ANKRD54: variants seen among roughly 807,000 people sequenced by gnomAD.
ANKRD54 encodes ankyrin repeat domain-containing protein 54.
In ANKRD54, 26 loss-of-function variants were observed where a neutral mutation model predicts 36.2. That is an observed-to-expected ratio of 0.72 (90% confidence interval 0.53 to 1.00). ANKRD54 has a LOEUF of 1.00. ANKRD54 is among the 50% of genes least tolerant of loss of function. The pLI is 0.00. For synonymous variants in ANKRD54, 209 were observed against 188.4 expected, an observed-to-expected ratio of 1.11 and a Z score of -0.89; for missense variants, 384 against 424.3, an observed-to-expected ratio of 0.91 and a Z score of 0.83.
intron 4 of ANKRD54, 97 bp downstream of exon 4, chr22:37,833,587 C>G: frequency 7.6e-7 from 1 of 1,313,626 alleles, no homozygotes; most frequent in East Asian, 2.4e-5. Flanking sequence ...CTGACACTCA[C>G]AGTTTCTGCC....
At chr22:37,839,234 T>A (rs1279714132) in intron 2 of ANKRD54, among the ~76,000 whole-genome samples, 1 of 151,972 alleles carries the variant, frequency 6.6e-6, no homozygotes, top group African/African-American at 2.4e-5. Flanking sequence ...TATATAGCAG[T>A]TTGCAAGCCA....
intron 3 of ANKRD54, among the ~76,000 whole-genome samples, chr22:37,835,503 T>C (rs1053861512): frequency 6.6e-6 from 1 of 152,040 alleles, no homozygotes; most frequent in African/African-American, 2.4e-5. Flanking sequence ...TACAAAGAAT[T>C]CTTACAAATC....
Position 37,832,701 on chromosome 22 carries a change from T to C in ANKRD54, c.764A>G (p.His255Arg), listed in dbSNP as rs1352106875. The C allele has an allele frequency of 1.9e-6, 3 of 1,614,060 alleles. No homozygotes were observed. Among genetic ancestry groups the C allele is most frequent in the Non-Finnish European group, 2.5e-6 (3 of 1,180,040 alleles). ...GTCATCCAGGCGTTCTCGCTGCTCA[T>C]GTTGCCCTAGGCGCTCCAGATACTC... ...LREYLERLGQ[H>R]EQRERLDDLC... The change falls in exon 7 of 8, where the codon CAT becomes CGT. Residue 255 changes from histidine to arginine, a missense_variant. Physicochemically the swap from His to Arg is conservative, Grantham distance 29. Transcript: ENST00000215941.
At position 37,831,985 on chromosome 22, in the gene ANKRD54, G is replaced by A; in HGVS notation, c.861C>T (p.Phe287=). The A allele has an allele frequency of 6.2e-7, 1 of 1,613,690 alleles. No homozygotes were observed. Among genetic ancestry groups the A allele is most frequent in the Non-Finnish European group, 8.5e-7 (1 of 1,179,876 alleles). Residue 287 remains phenylalanine (F), a synonymous_variant, in exon 8 of 8, where the codon TTC becomes TTT. Coordinates refer to ENST00000215941, the MANE Select transcript of ANKRD54 (RefSeq NM_138797.4). Reference sequence around the variant, plus strand: ...TCTGCATCTGCAGACTGAGGGAGGTGAAGCTGGCCAGGAGGTCAGTCACTT... The same window carrying A: ...TCTGCATCTGCAGACTGAGGGAGGTAAAGCTGGCCAGGAGGTCAGTCACTT... ...VDEVTDLLAS[F]TSLSLQMQSM...
At chr22:37,833,135 C>T in intron 5 of ANKRD54, 24 bp downstream of exon 5, 1 of 1,613,920 alleles carries the variant, frequency 6.2e-7, no homozygotes, top group Non-Finnish European at 8.5e-7. Context: ...AGAAAGAGGA[C>T]AGAGAGGGGA....
rs1443180301 is a variant in ANKRD54 at position 37,833,215 on chromosome 22, G to C, written c.548-9C>G. On this transcript the variant is annotated splice_polypyrimidine_tract_variant and intron_variant, in intron 4 of 7. Transcript: ENST00000215941. Reference sequence around the variant, plus strand: ...GTGGTTGGTGCAGGCCGCTGAGGAAGAACAACAGAGACTTAAGAATCCAGG... The same window carrying C: ...GTGGTTGGTGCAGGCCGCTGAGGAACAACAACAGAGACTTAAGAATCCAGG... The C allele has an allele frequency of 3.1e-6, 5 of 1,613,310 alleles. No homozygotes were observed. The highest frequency in any genetic ancestry group is 4.2e-6 in the Non-Finnish European group (5 of 1,179,890).
At chr22:37,844,434 T>C, upstream of ANKRD54, 1 of 531,876 alleles carries the variant, frequency 1.9e-6, no homozygotes, top group East Asian at 3.5e-5. Flanking sequence ...CTTAAACCGG[T>C]CCCAAAACCA....
chr22:37,831,212 T>C lies in ANKRD54; in HGVS notation c.*731A>G, dbSNP rs953222514. 1.3e-4 allele frequency: 20 copies of C among 152,252 alleles called. No individual in the cohort carries two copies. The highest frequency in any genetic ancestry group is 4.3e-4 in the African/African-American group (18 of 41,452). The allele number at this position is 152,252 out of a possible 1,614,324, so 9.4% of individuals were successfully genotyped here. Reference sequence around the variant, plus strand: ...GCCCCTTTGGCCATACAAGGTAATTTTGACAGGTTCCTGGGATTAGGACAT... The same window carrying C: ...GCCCCTTTGGCCATACAAGGTAATTCTGACAGGTTCCTGGGATTAGGACAT... On this transcript the variant is annotated 3_prime_UTR_variant, in exon 8 of 8. Transcript: ENST00000215941.
At position 37,831,825 on chromosome 22, in the gene ANKRD54, G is replaced by T; in HGVS notation, c.*118C>A. 1 of 1,086,418 alleles carries T rather than the reference G, an allele frequency of 9.2e-7. No homozygotes were observed. The highest frequency in any genetic ancestry group is 1.5e-5 in the South Asian group (1 of 67,258). 67.3% of individuals were successfully genotyped at this position (1,086,418 alleles called of 1,614,324 possible). ...CTGCCCCACGGCATCTGCGGGTGAG[G>T]GCAAGGTCCTCACCAGACAAGTGCA... On this transcript the variant is annotated 3_prime_UTR_variant, in exon 8 of 8. Coordinates refer to ENST00000215941, the MANE Select transcript of ANKRD54 (RefSeq NM_138797.4).
chr22:37,838,713 A>G, intron 2 of ANKRD54, 115 bp from the exon 3 acceptor site: 1 of 971,190 alleles, frequency 1.0e-6, no homozygotes, highest in Non-Finnish European at 1.5e-6. Flanking sequence ...GACATCGACA[A>G]TGCATAGGAA....
intron 2 of ANKRD54, 139 bp from the exon 3 acceptor site, chr22:37,838,737 A>C (rs139894639): frequency 1.3e-6 from 1 of 767,446 alleles, no homozygotes; most frequent in African/African-American, 1.7e-5. Flanking sequence ...AGCCCTTCCT[A>C]GATGCTGGTC....
At chr22:37,834,697 CAAAAAAAAAAAA>C (rs67811223) in intron 3 of ANKRD54, 171 of 43,448 alleles carry the variant, frequency 3.9e-3, no homozygotes, top group African/African-American at 0.012. Context: ...GACCCTGTCT[CAAAAAAAAAAAA>C]AAAAAAAAAA....
chr22:37,846,534 G>A (rs907025488), upstream of ANKRD54, among the ~76,000 whole-genome samples: 2 of 151,998 alleles, frequency 1.3e-5, no homozygotes, highest in African/African-American at 4.8e-5. Context: ...TGAACTCCTC[G>A]CCTCAAGGGA....
In ANKRD54 at chr22:37,833,684, C is replaced by G. The variant is rs780980155; in HGVS notation, c.547G>C (p.Ala183Pro). The change falls in exon 4 of 8, where the codon GCG becomes CCG. Residue 183 changes from alanine to proline, a missense_variant and splice_region_variant. By Grantham distance (27) the Ala-to-Pro change is conservative. Transcript: ENST00000215941. ...TCTTAGTGACTTCTGACATGCTTAC[C>G]CAGGTGCAGTGGCGTGTTCCCCAGC... is the stretch of plus-strand genomic sequence containing the variant. ...DGLGNTPLHL[A>P]ACTNHVPVIT... 6.2e-7 allele frequency: 1 copy of G among 1,614,042 alleles called. No individual in the cohort carries two copies.
rs1924641660 is a variant in ANKRD54 at position 37,844,100 on chromosome 22, C to T, written c.139G>A (p.Gly47Ser). 2 of 1,472,690 alleles carry T rather than the reference C, an allele frequency of 1.4e-6. No homozygotes were observed. Among genetic ancestry groups the T allele is most frequent in the African/African-American group, 1.5e-5 (1 of 67,844 alleles). The allele number at this position is 1,472,690 out of a possible 1,614,324, so 91.2% of individuals were successfully genotyped here. A position where few individuals can be genotyped will look rare whatever the true frequency, so the allele number is the denominator to read the frequency against. ...FSFADFGSAL[G>S]GGGAGLSGRA... is the part of the protein sequence containing the mutation. ...CCCGAGAGGCCCGCGCCGCCGCCGCCCAGCGCAGACCCGAAGTCAGCGAAG... is the reference window on the plus strand; with the variant it reads ...CCCGAGAGGCCCGCGCCGCCGCCGCTCAGCGCAGACCCGAAGTCAGCGAAG... The change falls in exon 1 of 8, where the codon GGC becomes AGC. Residue 47 changes from glycine to serine, a missense_variant. This residue lies in a region of ANKRD54 where 195 missense variants were observed against 177.7 expected (regional missense o/e 1.10). Coordinates refer to ENST00000215941, the MANE Select transcript of ANKRD54 (RefSeq NM_138797.4).
At position 37,831,010 on chromosome 22, in the gene ANKRD54, CTG is replaced by C. The variant is rs1443457891; in HGVS notation, c.*931_*932del. On this transcript the variant is annotated 3_prime_UTR_variant, in exon 8 of 8. Coordinates refer to ENST00000215941, the MANE Select transcript of ANKRD54 (RefSeq NM_138797.4). Reference sequence around the variant, plus strand: ...TCCTGGCTCTGAGGTGGCCTGGACTCTGTGGCTTGAGCTGCCCTCCTCAACTC... The same window carrying C: ...TCCTGGCTCTGAGGTGGCCTGGACTCTGGCTTGAGCTGCCCTCCTCAACTC... The C allele has an allele frequency of 6.6e-6, 1 of 152,382 alleles. No homozygotes were observed. The highest frequency in any genetic ancestry group is 1.5e-5 in the Non-Finnish European group (1 of 68,192). The allele number at this position is 152,382 out of a possible 1,614,324, so 9.4% of individuals were successfully genotyped here. A position where few individuals can be genotyped will look rare whatever the true frequency, so the allele number is the denominator to read the frequency against.
chr22:37,838,674 G>A (rs1026766012), intron 2 of ANKRD54, 76 bp from the exon 3 acceptor site: 2 of 1,464,812 alleles, frequency 1.4e-6, no homozygotes, highest in Non-Finnish European at 9.3e-7. Context: ...GAGCGATGGA[G>A]AGGGAGGCTC....
upstream of ANKRD54, among the ~76,000 whole-genome samples, chr22:37,846,978 C>A: frequency 6.6e-6 from 1 of 150,554 alleles, no homozygotes; most frequent in Non-Finnish European, 1.5e-5. Context: ...CTCAGCCTCC[C>A]AAGTAGCTGG....
At chr22:37,832,084 C>T in intron 7 of ANKRD54, 67 bp from the exon 8 acceptor site, 1 of 1,475,542 alleles carries the variant, frequency 6.8e-7, no homozygotes, top group Non-Finnish European at 9.3e-7. Flanking sequence ...GTCTCTTCCA[C>T]AATCCCACAG....
Sources: gnomAD v4.1 joint callset for allele counts (sites outside exome capture counted in the v4.1 genomes callset) on GRCh38, gnomAD v4.1.1 for gene constraint, gnomAD v4.1.1 regional missense constraint, MANE v1.5 for transcripts, NCBI Gene and HGNC (gene_info 2026-07-23, HGNC 2026-07-21) for gene names.